CEP128: variants seen among roughly 807,000 people sequenced by gnomAD.
The protein encoded by CEP128 is centrosomal protein 128kDa.
Under a neutral mutation model 156.7 loss-of-function variants are expected in CEP128, and 132 were observed. The ratio of observed to expected loss-of-function variants is 0.84; its 90% CI spans 0.73 to 0.97. CEP128 has a LOEUF of 0.97. Ranked by LOEUF, CEP128 falls within the 50% of genes least tolerant of loss-of-function variation. The probability of loss-of-function intolerance (pLI) is 0.00; values close to 1 mark genes in which losing one functional copy is unlikely to be tolerated. For missense variants in CEP128, 1,252 were observed against 1,281.9 expected, an observed-to-expected ratio of 0.98 and a Z score of 0.36; for synonymous variants, 469 against 448.9, an observed-to-expected ratio of 1.04 and a Z score of -0.57.
intron 22 of CEP128, among the ~76,000 whole-genome samples, chr14:80,529,314 A>G (rs1889118678): frequency 6.6e-6 from 1 of 152,214 alleles, no homozygotes; most frequent in Non-Finnish European, 1.5e-5. Context: ...ACTCTGAAAA[A>G]GACTCTCCCA....
At chr14:80,926,803 A>G (rs1566720256) in intron 2 of CEP128, among the ~76,000 whole-genome samples, 1 of 152,200 alleles carries the variant, frequency 6.6e-6, no homozygotes, top group Non-Finnish European at 1.5e-5. Flanking sequence ...AACTTTTTGC[A>G]TGACCTCAGC....
rs560750419 is a variant in CEP128 at position 80,497,105 on chromosome 14, C to A, written c.*374G>T. On this transcript the variant is annotated 3_prime_UTR_variant, in exon 25 of 25. Coordinates refer to ENST00000555265, the MANE Select transcript of CEP128 (RefSeq NM_152446.5). Reference sequence around the variant, plus strand: ...TCTAAAGTGCTGGCAACTTTTGCCTCAAGGGAAACTCATTTTCCTTCTTTT... The same window carrying A: ...TCTAAAGTGCTGGCAACTTTTGCCTAAAGGGAAACTCATTTTCCTTCTTTT... The A allele has an allele frequency of 3.5e-5, 6 of 170,078 alleles. No individual in the cohort carries two copies. Among genetic ancestry groups the A allele is most frequent in the African/African-American group, 1.4e-4 (6 of 41,582 alleles). 10.5% of individuals were successfully genotyped at this position (170,078 alleles called of 1,614,324 possible).
chr14:80,884,588 CGTGAGGGACTGTGCT>C (rs1412830957), intron 8 of CEP128, among the ~76,000 whole-genome samples: 4 of 152,082 alleles, frequency 2.6e-5, no homozygotes, highest in Non-Finnish European at 5.9e-5. Context: ...CAAGGGAAGC[CGTGAGGGACTGTGCT>C]GTGAGGGACT....
At chr14:80,617,602 G>T (rs1015652259) in intron 19 of CEP128, among the ~76,000 whole-genome samples, 1 of 152,124 alleles carries the variant, frequency 6.6e-6, no homozygotes, top group African/African-American at 2.4e-5. Flanking sequence ...CAAGATTGTT[G>T]TAAGCATTAA....
At chr14:80,573,689 T>C (rs1891240773) in intron 20 of CEP128, among the ~76,000 whole-genome samples, 1 of 152,300 alleles carries the variant, frequency 6.6e-6, no homozygotes, top group East Asian at 1.9e-4. Context: ...TGTAGTAAAT[T>C]GAAGGGTGTA....
chr14:80,936,764 T>G (rs2139613287), intron 2 of CEP128, among the ~76,000 whole-genome samples: 1 of 152,312 alleles, frequency 6.6e-6, no homozygotes, highest in East Asian at 1.9e-4. Flanking sequence ...AGAAATCAAA[T>G]GACCCTAACA....
intron 8 of CEP128, among the ~76,000 whole-genome samples, chr14:80,892,925 A>G (rs890528231): frequency 2.0e-5 from 3 of 151,866 alleles, no homozygotes; most frequent in African/African-American, 7.2e-5. Context: ...GTATACAGAA[A>G]GAGTAATTAA....
At chr14:80,590,487 A>T (rs1439869796) in intron 19 of CEP128, among the ~76,000 whole-genome samples, 1 of 152,126 alleles carries the variant, frequency 6.6e-6, no homozygotes, top group African/African-American at 2.4e-5. Context: ...ACAACCCAGA[A>T]TCCTATATCT....
Position 80,673,645 on chromosome 14 carries a change from C to CAAAAAAAAA in CEP128, c.2806+69421_2806+69429dup, listed in dbSNP as rs4016509. On this transcript the variant is annotated intron_variant, in intron 19 of 24. Transcript: ENST00000555265. Reference sequence around the variant, plus strand: ...TGGGCGACAGAGCGAGACTCCGTCTCAAAAAAAAAAAAAAAAAAAAAAAAA... The same window carrying CAAAAAAAAA: ...TGGGCGACAGAGCGAGACTCCGTCTCAAAAAAAAAAAAAAAAAAAAAAAAAAAAAAAAAA... Among the ~76,000 whole-genome samples, 119 of 43,950 alleles carry CAAAAAAAAA rather than the reference C, an allele frequency of 2.7e-3. 4 individuals are homozygous for CAAAAAAAAA. The highest frequency in any genetic ancestry group is 0.012 in the African/African-American group (100 of 8,078). 28.8% of individuals were successfully genotyped at this position (43,950 alleles called of 152,430 possible). A position where few individuals can be genotyped will look rare whatever the true frequency, so the allele number is the denominator to read the frequency against.
rs1015147384 is a variant in CEP128 at position 80,756,914 on chromosome 14, T to C, written c.2591A>G (p.His864Arg). ...TACCTTGCTTTCTGCTAACCAGCGA[T>C]GTGGGTCATAATGTATATCAGGACC... ...SSGPDIHYDP[H>R]RWLAESKTKL... Residue 864 changes from histidine (H) to arginine (R), a missense_variant, in exon 18 of 25, where the codon CAT becomes CGT. By Grantham distance (29) the His-to-Arg change is conservative. Transcript: ENST00000555265. 6.2e-7 allele frequency: 1 copy of C among 1,600,788 alleles called. No homozygotes were observed. Among genetic ancestry groups the C allele is most frequent in the African/African-American group, 1.3e-5 (1 of 74,568 alleles).
At chr14:80,521,112 T>G (rs1373104017) in intron 23 of CEP128, among the ~76,000 whole-genome samples, 2 of 151,632 alleles carry the variant, frequency 1.3e-5, no homozygotes, top group East Asian at 3.9e-4. Flanking sequence ...GAGCTGGGAT[T>G]ACAGGCATGA....
chr14:80,656,111 C>G (rs1473366903), intron 19 of CEP128, among the ~76,000 whole-genome samples: 1 of 151,146 alleles, frequency 6.6e-6, no homozygotes, highest in Non-Finnish European at 1.5e-5. Context: ...ACTGTCCTAT[C>G]AAAAGCCTAT....
chr14:80,784,144 C>A (rs929245108), intron 15 of CEP128, among the ~76,000 whole-genome samples: 4 of 151,842 alleles, frequency 2.6e-5, no homozygotes, highest in African/African-American at 9.7e-5. Context: ...TACAATGTTC[C>A]AAAAAACTGT....
At chr14:80,633,952 T>C (rs1894073636) in intron 19 of CEP128, among the ~76,000 whole-genome samples, 1 of 152,190 alleles carries the variant, frequency 6.6e-6, no homozygotes, top group Non-Finnish European at 1.5e-5. Context: ...GAGTCTTTCC[T>C]GGGTATTCAT....
At chr14:80,619,371 C>CACACACACACACAG (rs1239488405) in intron 19 of CEP128, among the ~76,000 whole-genome samples, 6 of 147,126 alleles carry the variant, frequency 4.1e-5, no homozygotes, top group Non-Finnish European at 8.9e-5. Flanking sequence ...CACACAGACA[C>CACACACACACACAG]ACACACACAC....
chr14:80,599,975 T>C (rs1892513144), intron 19 of CEP128, among the ~76,000 whole-genome samples: 1 of 152,106 alleles, frequency 6.6e-6, no homozygotes, highest in Non-Finnish European at 1.5e-5. Context: ...TCACATACCA[T>C]GAAATATAGA....
intron 6 of CEP128, among the ~76,000 whole-genome samples, chr14:80,901,033 C>T (rs1020186168): frequency 1.3e-5 from 2 of 151,680 alleles, no homozygotes; most frequent in African/African-American, 4.8e-5. Flanking sequence ...GGTGAAACCC[C>T]GTCTCTACTA....
At chr14:80,556,253 G>C (rs1457523111) in intron 21 of CEP128, among the ~76,000 whole-genome samples, 2 of 152,098 alleles carry the variant, frequency 1.3e-5, no homozygotes, top group Non-Finnish European at 2.9e-5. Flanking sequence ...ATATAGCACT[G>C]ACCAGGAATT....
At chr14:80,637,616 A>T (rs1335686808) in intron 19 of CEP128, among the ~76,000 whole-genome samples, 1 of 152,216 alleles carries the variant, frequency 6.6e-6, no homozygotes, top group African/African-American at 2.4e-5. Context: ...TCACTGTATT[A>T]CTTAAATATG....
Sources: gnomAD v4.1 joint callset for allele counts (sites outside exome capture counted in the v4.1 genomes callset) on GRCh38, gnomAD v4.1.1 for gene constraint, MANE v1.5 for transcripts, NCBI Gene and HGNC (gene_info 2026-07-23, HGNC 2026-07-21) for gene names.